UTP6: variants seen among roughly 807,000 people sequenced by gnomAD.
UTP6 encodes the protein UTP6 small subunit processome component.
UTP6 carries 60 observed loss-of-function variants against 96.5 expected under a neutral mutation model. The observed-to-expected ratio is 0.62, with a 90% CI of 0.51 to 0.77. The LOEUF is 0.77. Among genes scored for constraint, UTP6 ranks in the 30% least tolerant of loss-of-function variants. UTP6 has a pLI of 0.00. For missense variants in UTP6, 637 were observed against 706.5 expected, an observed-to-expected ratio of 0.90 and a Z score of 1.12; for synonymous variants, 215 against 240.1, an observed-to-expected ratio of 0.90 and a Z score of 0.96.
chr17:31,873,564 C>CCT (rs1220600874), intron 15 of UTP6, 77 bp from the exon 16 acceptor site: 1 of 1,603,708 alleles, frequency 6.2e-7, no homozygotes, highest in African/African-American at 1.3e-5. Flanking sequence ...CCAGAACCAC[C>CCT]TGAGGCCACT....
At chr17:31,881,948 G>A (rs1012691593) in intron 10 of UTP6, among the ~76,000 whole-genome samples, 3 of 152,108 alleles carry the variant, frequency 2.0e-5, no homozygotes, top group South Asian at 2.1e-4. Context: ...CCATCCCAAA[G>A]TGTTGGGATT....
chr17:31,874,725 A>T (rs1007678032), intron 14 of UTP6, among the ~76,000 whole-genome samples: 4 of 152,104 alleles, frequency 2.6e-5, no homozygotes, highest in Non-Finnish European at 5.9e-5. Context: ...TGAGGCTAGG[A>T]GTTCCAGACC....
At chr17:31,883,397 C>A (rs1274931521) in intron 10 of UTP6, among the ~76,000 whole-genome samples, 2 of 150,606 alleles carry the variant, frequency 1.3e-5, no homozygotes, top group African/African-American at 4.9e-5. Flanking sequence ...CTCACTGCAA[C>A]CTCCACCTCC....
chr17:31,885,449 C>T (rs2142311290), intron 9 of UTP6, among the ~76,000 whole-genome samples: 1 of 150,828 alleles, frequency 6.6e-6, no homozygotes, highest in South Asian at 2.1e-4. Flanking sequence ...CCGGCCCAAA[C>T]CTATTAAAAT....
At chr17:31,891,700 C>T (rs1383855818) in intron 6 of UTP6, among the ~76,000 whole-genome samples, 1 of 152,136 alleles carries the variant, frequency 6.6e-6, no homozygotes, top group Non-Finnish European at 1.5e-5. Context: ...ACAAAGGATT[C>T]AAAAGTTTAT....
intron 16 of UTP6, among the ~76,000 whole-genome samples, chr17:31,869,105 C>T (rs1205478334): frequency 6.6e-6 from 1 of 151,942 alleles, no homozygotes; most frequent in Non-Finnish European, 1.5e-5. Context: ...AGTGAGACTC[C>T]ATCTCAAAAA....
chr17:31,868,256 T>A, intron 16 of UTP6, 144 bp from the exon 17 acceptor site: 1 of 547,504 alleles, frequency 1.8e-6, no homozygotes, highest in Non-Finnish European at 3.1e-6. Context: ...CTTGACCTGA[T>A]GGCCAGTCAT....
chr17:31,900,344 T>G (rs879886289), intron 1 of UTP6, among the ~76,000 whole-genome samples: 8 of 152,046 alleles, frequency 5.3e-5, no homozygotes, highest in Admixed American at 4.6e-4. Context: ...CAGGCTGGAG[T>G]GCAGTGGCAT....
At chr17:31,895,272 CATGCAGCTACA>C (rs1904566498) in intron 2 of UTP6, among the ~76,000 whole-genome samples, 2 of 152,196 alleles carry the variant, frequency 1.3e-5, no homozygotes, top group Non-Finnish European at 2.9e-5. Context: ...TAAAACACCC[CATGCAGCTACA>C]ATGCAGCTAC....
chr17:31,895,997 C>T (rs748634088), intron 2 of UTP6, among the ~76,000 whole-genome samples: 9 of 146,738 alleles, frequency 6.1e-5, no homozygotes, highest in Admixed American at 2.7e-4. Flanking sequence ...GGTGACGGAG[C>T]GAGACTCCAT....
At chr17:31,881,883 A>G (rs564468495) in intron 10 of UTP6, among the ~76,000 whole-genome samples, 304 of 152,064 alleles carry the variant, frequency 2.0e-3, no homozygotes, top group Admixed American at 4.5e-3. Context: ...TATTGTACAG[A>G]GTTTTGCCAT....
rs539842131 is a variant in UTP6 at position 31,874,661 on chromosome 17, G to A, written c.1305+573C>T. On this transcript the variant is annotated intron_variant, in intron 14 of 18. Coordinates refer to ENST00000261708, the MANE Select transcript of UTP6 (RefSeq NM_018428.3). ...TGCAAAGTGAATCTGGCCATACACC[G>A]TGGCTCACGCCTGTAATCTCAGCAC... Among the ~76,000 whole-genome samples, 34 of 151,966 alleles carry A rather than the reference G, an allele frequency of 2.2e-4. 1 individual carries two copies. The highest frequency in any genetic ancestry group is 1.1e-3 in the Admixed American group (17 of 15,252).
rs768818121 is a variant in UTP6, at chr17:31,878,729, C to T, written c.1020G>A (p.Lys340=). The part of the protein sequence containing the change: ...ITFCLERFTK[K]SNSGFLRGKR... Reference sequence around the variant, plus strand: ...TCCCTCTAAGGAACCCACTATTTGACTTCTTAGTAAATCTTTCCAAGCAAA... The same window carrying T: ...TCCCTCTAAGGAACCCACTATTTGATTTCTTAGTAAATCTTTCCAAGCAAA... Residue 340 remains lysine, a synonymous_variant, in exon 12 of 19, where the codon AAG becomes AAA. Coordinates refer to ENST00000261708, the MANE Select transcript of UTP6 (RefSeq NM_018428.3). 2.4e-5 allele frequency: 38 copies of T among 1,614,024 alleles called. No individual in the cohort carries two copies. Among genetic ancestry groups the T allele is most frequent in the Non-Finnish European group, 3.1e-5 (37 of 1,180,032 alleles).
At chr17:31,868,324 G>GTTT (rs1567776595) in intron 16 of UTP6, among the ~76,000 whole-genome samples, 3 of 58,824 alleles carry the variant, frequency 5.1e-5, no homozygotes, top group African/African-American at 1.5e-4. Flanking sequence ...TTAGTTTTTT[G>GTTT]GTTTTTTTTT....
chr17:31,884,283 C>A, intron 10 of UTP6, 141 bp downstream of exon 10: 1 of 629,594 alleles, frequency 1.6e-6, no homozygotes, highest in Middle Eastern at 4.5e-4. Context: ...CAGGTGTGAG[C>A]CACTGCACCC....
intron 16 of UTP6, 31 bp from the exon 17 acceptor site, chr17:31,868,143 A>C (rs750107034): frequency 3.5e-5 from 56 of 1,598,910 alleles, no homozygotes; most frequent in Non-Finnish European, 4.5e-5. Flanking sequence ...GTTATCTTCA[A>C]CAATGACAAA....
intron 17 of UTP6, among the ~76,000 whole-genome samples, chr17:31,867,739 C>T (rs1377585304): frequency 2.0e-5 from 3 of 151,940 alleles, no homozygotes; most frequent in Non-Finnish European, 4.4e-5. Flanking sequence ...GGGCACATCA[C>T]GAGGTCAACA....
intron 2 of UTP6, among the ~76,000 whole-genome samples, chr17:31,898,525 CAA>C (rs879824868): frequency 1.5e-5 from 2 of 137,212 alleles, no homozygotes; most frequent in Non-Finnish European, 3.2e-5. Context: ...AACTCCATCT[CAA>C]AAAAAAAAAA....
At chr17:31,880,244 AC>A (rs1910740199) in intron 11 of UTP6, 2 of 315,726 alleles carry the variant, frequency 6.3e-6, no homozygotes, top group East Asian at 1.5e-4. Context: ...ACACAGTGAA[AC>A]CCCGTCTCTA....
Sources: allele counts gnomAD v4.1 joint callset (sites outside exome capture counted in the v4.1 genomes callset), GRCh38; gene constraint gnomAD v4.1.1; transcripts MANE v1.5; gene names NCBI Gene and HGNC (gene_info 2026-07-23, HGNC 2026-07-21).